Variants in FAM13A observed in about 807,000 individuals in gnomAD.
FAM13A encodes the protein protein FAM13A.
FAM13A carries 76 observed loss-of-function variants against 129.6 expected under a neutral mutation model. The observed-to-expected ratio is 0.59, with a 90% CI of 0.49 to 0.71. The LOEUF (loss-of-function observed/expected upper bound fraction) is 0.71, where lower values mean the gene tolerates loss of function less well. Ranked by LOEUF, FAM13A falls within the 30% of genes least tolerant of loss-of-function variation. The probability of loss-of-function intolerance (pLI) is 0.00; values close to 1 mark genes in which losing one functional copy is unlikely to be tolerated. For missense variants in FAM13A, 1,108 were observed against 1,249.3 expected (o/e 0.89, Z 1.70); for synonymous variants, 443 against 449.9 (o/e 0.98, Z 0.20).
intron 7 of FAM13A, among the ~76,000 whole-genome samples, chr4:88,845,652 G>T (rs867250117): frequency 1.8e-4 from 27 of 152,268 alleles, no homozygotes; most frequent in African/African-American, 6.3e-4. Flanking sequence ...ATAGAGATAA[G>T]TCTGGAAGAA....
At chr4:89,025,245 G>GTTTT (rs56710705) in intron 2 of FAM13A, among the ~76,000 whole-genome samples, 5,356 of 61,302 alleles carry the variant, frequency 0.087, 1,433 homozygotes, top group Non-Finnish European at 0.13. Context: ...TGGAATCATT[G>GTTTT]TTTTTTTTTT....
rs200349481 is a variant in FAM13A, at chr4:88,730,993, C to G, written c.2945+334G>C. 2.0e-5 allele frequency among the ~76,000 whole-genome samples: 3 copies of G among 152,258 alleles called. No homozygotes were observed. The East Asian group carries it at 5.8e-4, about 30-fold the overall frequency. On this transcript the variant is annotated intron_variant, in intron 23 of 23. Coordinates refer to ENST00000264344, the MANE Select transcript of FAM13A (RefSeq NM_014883.4). ...AACCTCTAGCTTCTTAAGAAAAAAG[C>G]GTTGGTGCCACCACCAGCGGGAAAC...
intron 4 of FAM13A, among the ~76,000 whole-genome samples, chr4:88,973,672 T>C (rs940681860): frequency 6.6e-6 from 1 of 152,164 alleles, no homozygotes; most frequent in African/African-American, 2.4e-5. Flanking sequence ...CTTTAACCTA[T>C]GTTTTTGTTT....
chr4:88,832,461 TAGG>T (rs918025168), intron 7 of FAM13A, among the ~76,000 whole-genome samples: 77 of 152,130 alleles, frequency 5.1e-4, no homozygotes, highest in African/African-American at 1.8e-3. Flanking sequence ...ACCTACAGAA[TAGG>T]AGAATATTTT....
At chr4:88,962,368 T>C (rs1758748912) in intron 4 of FAM13A, among the ~76,000 whole-genome samples, 1 of 152,214 alleles carries the variant, frequency 6.6e-6, no homozygotes, top group Admixed American at 6.5e-5. Flanking sequence ...GAAGGGGATT[T>C]ACTAAAGGAG....
chr4:88,805,806 C>T (rs1233369178), intron 7 of FAM13A, among the ~76,000 whole-genome samples: 1 of 151,612 alleles, frequency 6.6e-6, no homozygotes, highest in East Asian at 1.9e-4. Flanking sequence ...GTATCTGGGA[C>T]CACAGGCACG....
rs968614201 is a variant in FAM13A at position 88,897,569 on chromosome 4, C to A, written c.843+8810G>T. Among the ~76,000 whole-genome samples, 27 of 152,170 alleles carry A rather than the reference C, an allele frequency of 1.8e-4. 1 individual carries two copies. The highest frequency in any genetic ancestry group is 1.2e-3 in the Admixed American group (19 of 15,268). On this transcript the variant is annotated intron_variant, in intron 6 of 23. Coordinates refer to ENST00000264344, the MANE Select transcript of FAM13A (RefSeq NM_014883.4). ...ATTTCTGGATTACCATTTTACATCT[C>A]TAGCCCATATAGGGATCAGAAATAC...
chr4:88,768,042 A>G lies in FAM13A; in HGVS notation c.1476T>C (p.Asn492=). ...QDGLVNMESL[N]STRSHERTGP... Reference sequence around the variant, plus strand: ...CAGTTCTCTCATGAGATCGTGTGGAATTGAGACTTTCCATATTCTGTAACA... The same window carrying G: ...CAGTTCTCTCATGAGATCGTGTGGAGTTGAGACTTTCCATATTCTGTAACA... Residue 492 remains asparagine, a synonymous_variant, in exon 12 of 24, where the codon AAT becomes AAC. Coordinates refer to ENST00000264344, the MANE Select transcript of FAM13A (RefSeq NM_014883.4). 6.2e-7 allele frequency: 1 copy of G among 1,605,574 alleles called. No individual in the cohort carries two copies. The highest frequency in any genetic ancestry group is 8.5e-7 in the Non-Finnish European group (1 of 1,172,654).
At chr4:88,886,010 A>AT (rs1405821999) in intron 6 of FAM13A, among the ~76,000 whole-genome samples, 1 of 151,818 alleles carries the variant, frequency 6.6e-6, no homozygotes, top group South Asian at 2.1e-4. Flanking sequence ...AAAATAAAAA[A>AT]AAAAAATAGA....
At chr4:88,777,951 A>C (rs940114842) in intron 11 of FAM13A, among the ~76,000 whole-genome samples, 1 of 152,164 alleles carries the variant, frequency 6.6e-6, no homozygotes, top group African/African-American at 2.4e-5. Context: ...CTAAGACACC[A>C]AACTTACCTC....
At position 89,029,536 on chromosome 4, in the gene FAM13A, T is replaced by C; in HGVS notation, c.141A>G (p.Glu47=). ...TCTCGGTGAGCCCCTGCCGTTCAAG[T>C]TCTTGGAGACTGACTCCAAATAACT... ...YQKLFGVSLQ[E]LERQGLTENG... Residue 47 remains glutamate, a synonymous_variant, in exon 2 of 24, where the codon GAA becomes GAG. Coordinates refer to ENST00000264344, the MANE Select transcript of FAM13A (RefSeq NM_014883.4). 1 of 1,596,030 alleles carries C rather than the reference T, an allele frequency of 6.3e-7. No individual in the cohort carries two copies. Among genetic ancestry groups the C allele is most frequent in the Non-Finnish European group, 8.5e-7 (1 of 1,174,982 alleles).
intron 6 of FAM13A, among the ~76,000 whole-genome samples, chr4:88,894,471 T>C (rs1349313827): frequency 2.6e-5 from 4 of 152,208 alleles, no homozygotes; most frequent in South Asian, 2.1e-4. Context: ...TATAAGTATA[T>C]ATATAGATAT....
chr4:88,774,553 C>T (rs1402190861), intron 11 of FAM13A, among the ~76,000 whole-genome samples: 2 of 152,070 alleles, frequency 1.3e-5, no homozygotes, highest in Non-Finnish European at 2.9e-5. Context: ...TTGTGTTACA[C>T]TGAAAACAAT....
chr4:88,871,991 C>T (rs1398860245), intron 6 of FAM13A, among the ~76,000 whole-genome samples: 2 of 152,178 alleles, frequency 1.3e-5, no homozygotes, highest in African/African-American at 4.8e-5. Context: ...GGCCAATATT[C>T]AACATTCTTA....
chr4:88,907,557 A>C (rs933391003), intron 5 of FAM13A, among the ~76,000 whole-genome samples: 16 of 152,360 alleles, frequency 1.1e-4, no homozygotes, highest in African/African-American at 3.4e-4. Flanking sequence ...ATTGAATCTT[A>C]TGATGTATTG....
At chr4:88,738,232 C>T (rs910492123) in intron 20 of FAM13A, among the ~76,000 whole-genome samples, 4 of 152,142 alleles carry the variant, frequency 2.6e-5, no homozygotes, top group Non-Finnish European at 4.4e-5. Flanking sequence ...TGTATTGCAA[C>T]GGCAACATCA....
At chr4:89,025,249 T>TTTTTTTTG (rs1767793795) in intron 2 of FAM13A, among the ~76,000 whole-genome samples, 1 of 51,386 alleles carries the variant, frequency 1.9e-5, no homozygotes, top group Non-Finnish European at 3.4e-5. Flanking sequence ...ATCATTGTTT[T>TTTTTTTTG]TTTTTTTTTT....
chr4:88,966,822 C>T lies in FAM13A; in HGVS notation c.605+24151G>A, dbSNP rs145362122. Among the ~76,000 whole-genome samples, 306 of 152,264 alleles carry T rather than the reference C, an allele frequency of 2.0e-3. 4 individuals carry two copies. The highest frequency in any genetic ancestry group is 7.1e-3 in the African/African-American group (296 of 41,558). On this transcript the variant is annotated intron_variant, in intron 4 of 23. Transcript: ENST00000264344. ...AGCTTAGCTCATGCAAAATGAAACA[C>T]TCCACTCACTAAACTAGGATGGAGA...
At chr4:88,740,110 C>G (rs368250662) in intron 19 of FAM13A, among the ~76,000 whole-genome samples, 1 of 152,088 alleles carries the variant, frequency 6.6e-6, no homozygotes, top group South Asian at 2.1e-4. Flanking sequence ...TTGTCTCAAC[C>G]CTCTTGTCCA....
Sources: gnomAD v4.1 joint callset for allele counts (sites outside exome capture counted in the v4.1 genomes callset) on GRCh38, gnomAD v4.1.1 for gene constraint, MANE v1.5 for transcripts, NCBI Gene and HGNC (gene_info 2026-07-23, HGNC 2026-07-21) for gene names.